MCTP1: variants seen among roughly 807,000 people sequenced by gnomAD.
The protein encoded by MCTP1 is multiple C2 and transmembrane domain-containing protein 1.
A neutral mutation model predicts 120.6 loss-of-function variants in MCTP1; 69 were observed. The ratio of observed to expected loss-of-function variants is 0.57; its 90% CI spans 0.47 to 0.70. MCTP1 has a LOEUF of 0.70. MCTP1 is among the 30% of genes least tolerant of loss of function. The pLI, the probability that MCTP1 is intolerant of heterozygous loss-of-function variation, is 0.00. For missense variants in MCTP1, 1,203 were observed against 1,248.8 expected (o/e 0.96, Z 0.55); for synonymous variants, 529 against 493.1 (o/e 1.07, Z -0.96).
intron 1 of MCTP1, among the ~76,000 whole-genome samples, chr5:95,274,681 G>C (rs614940): frequency 1.3e-3 from 198 of 151,716 alleles, no homozygotes; most frequent in South Asian, 4.6e-3. Flanking sequence ...TGGAGTGCAG[G>C]GGTGTGATCT....
Position 95,265,904 on chromosome 5 carries a change from A to G in MCTP1, c.720+17952T>C, listed in dbSNP as rs555814605. 3.3e-5 allele frequency among the ~76,000 whole-genome samples: 5 copies of G among 152,330 alleles called. No individual in the cohort carries two copies. In the East Asian group the frequency reaches 5.8e-4, roughly 18 times the overall value. On this transcript the variant is annotated intron_variant, in intron 1 of 22. Transcript: ENST00000515393. Reference sequence around the variant, plus strand: ...AGGAGGATAATCAGAGAGAGCTTCTATTAGATATCTCAGTCTCTGGCAAAG... The same window carrying G: ...AGGAGGATAATCAGAGAGAGCTTCTGTTAGATATCTCAGTCTCTGGCAAAG...
At chr5:94,811,650 T>C (rs1049979193) in intron 17 of MCTP1, among the ~76,000 whole-genome samples, 13 of 152,238 alleles carry the variant, frequency 8.5e-5, no homozygotes, top group African/African-American at 3.1e-4. Context: ...TCATTTGCAA[T>C]GCTGCTGCAT....
chr5:95,048,563 T>C (rs190818698), intron 1 of MCTP1, among the ~76,000 whole-genome samples: 1 of 152,208 alleles, frequency 6.6e-6, no homozygotes, highest in East Asian at 1.9e-4. Flanking sequence ...CCAAAACACA[T>C]ACTAATTTCC....
chr5:95,036,841 A>T (rs2151838378), intron 1 of MCTP1, among the ~76,000 whole-genome samples: 1 of 152,298 alleles, frequency 6.6e-6, no homozygotes, highest in Admixed American at 6.5e-5. Context: ...AATCTTAGAA[A>T]TCAATTTCCA....
intron 1 of MCTP1, among the ~76,000 whole-genome samples, chr5:95,180,702 C>T (rs1049477742): frequency 6.6e-6 from 1 of 152,082 alleles, no homozygotes; most frequent in Admixed American, 6.6e-5. Flanking sequence ...ATATCAATGA[C>T]TCCCAAATTT....
chr5:95,274,716 C>T (rs1033325150), intron 1 of MCTP1, among the ~76,000 whole-genome samples: 11 of 152,118 alleles, frequency 7.2e-5, no homozygotes, highest in South Asian at 2.1e-4. Flanking sequence ...CTCTGCCTCC[C>T]GGGTTCATGC....
intron 18 of MCTP1, among the ~76,000 whole-genome samples, chr5:94,798,737 A>G (rs953144442): frequency 6.6e-6 from 1 of 152,164 alleles, no homozygotes; most frequent in Non-Finnish European, 1.5e-5. Context: ...CAATTATTTG[A>G]AGTAGCACCC....
chr5:95,123,919 G>C (rs1188756863), intron 1 of MCTP1, among the ~76,000 whole-genome samples: 1 of 152,066 alleles, frequency 6.6e-6, no homozygotes, highest in Non-Finnish European at 1.5e-5. Context: ...AAAGTGCTAG[G>C]ATTACAGGCA....
intron 1 of MCTP1, among the ~76,000 whole-genome samples, chr5:95,208,596 G>C (rs1751948367): frequency 6.6e-6 from 1 of 151,956 alleles, no homozygotes; most frequent in African/African-American, 2.4e-5. Context: ...AACATGAGCA[G>C]GAACATACAA....
chr5:94,789,468 C>T (rs1778429558), intron 18 of MCTP1: 1 of 152,182 alleles, frequency 6.6e-6, no homozygotes, highest in South Asian at 2.1e-4. Flanking sequence ...TTTATCTTTT[C>T]AATTTTAGGT....
chr5:94,838,874 C>G (rs1790391225), intron 17 of MCTP1, among the ~76,000 whole-genome samples: 1 of 152,028 alleles, frequency 6.6e-6, no homozygotes, highest in African/African-American at 2.4e-5. Context: ...GATCGGGTAG[C>G]CAGGGGCAGA....
chr5:94,825,123 G>T (rs1160151114), intron 17 of MCTP1, among the ~76,000 whole-genome samples: 1 of 152,058 alleles, frequency 6.6e-6, no homozygotes, highest in Non-Finnish European at 1.5e-5. Flanking sequence ...TCTTTTAATT[G>T]TGATGTTAGG....
chr5:95,273,927 T>C (rs1759605286), intron 1 of MCTP1, among the ~76,000 whole-genome samples: 1 of 152,216 alleles, frequency 6.6e-6, no homozygotes, highest in African/African-American at 2.4e-5. Flanking sequence ...CCCGCAAATC[T>C]TTCCATCTTT....
intron 18 of MCTP1, among the ~76,000 whole-genome samples, chr5:94,779,917 C>A (rs978960233): frequency 1.3e-5 from 2 of 152,014 alleles, no homozygotes; most frequent in African/African-American, 4.8e-5. Flanking sequence ...TTGGATTTAC[C>A]AAATAACTTC....
chr5:95,147,804 T>C (rs527559881), intron 1 of MCTP1, among the ~76,000 whole-genome samples: 3 of 152,336 alleles, frequency 2.0e-5, no homozygotes, highest in East Asian at 1.9e-4. Context: ...CTATGATCTA[T>C]GTGCTTAAGT....
intron 19 of MCTP1, among the ~76,000 whole-genome samples, chr5:94,718,865 A>G (rs1410264440): frequency 6.6e-6 from 1 of 152,152 alleles, no homozygotes; most frequent in African/African-American, 2.4e-5. Flanking sequence ...TATTACAGGC[A>G]TGTGCCACCA....
At chr5:94,920,580 C>A (rs1167363043) in intron 7 of MCTP1, among the ~76,000 whole-genome samples, 5 of 151,542 alleles carry the variant, frequency 3.3e-5, no homozygotes, top group South Asian at 4.2e-4. Context: ...TCTCTACTAA[C>A]AATACAAAAA....
chr5:95,124,101 G>A (rs1322306674), intron 1 of MCTP1, among the ~76,000 whole-genome samples: 1 of 152,222 alleles, frequency 6.6e-6, no homozygotes. Context: ...CCAACCTGGA[G>A]CCTGAGAGAT....
chr5:95,089,148 G>A (rs886971684), intron 1 of MCTP1, among the ~76,000 whole-genome samples: 2 of 152,284 alleles, frequency 1.3e-5, no homozygotes, highest in South Asian at 2.1e-4. Context: ...TATAGGTCTG[G>A]AGATAGTTAT....
Sources: allele counts gnomAD v4.1 joint callset (sites outside exome capture counted in the v4.1 genomes callset), GRCh38; gene constraint gnomAD v4.1.1; transcripts MANE v1.5; gene names NCBI Gene and HGNC (gene_info 2026-07-23, HGNC 2026-07-21).